Variants in DYNC1I1 observed in about 807,000 individuals in gnomAD.
DYNC1I1 encodes cytoplasmic dynein 1 intermediate chain 1.
In DYNC1I1, 43 loss-of-function variants were observed where a neutral mutation model predicts 86.6. The observed-to-expected ratio is 0.50, with a 90% CI of 0.39 to 0.64. The LOEUF is 0.64. Among genes scored for constraint, DYNC1I1 ranks in the 30% least tolerant of loss-of-function variants. The probability of loss-of-function intolerance (pLI) is 0.00; values close to 1 mark genes in which losing one functional copy is unlikely to be tolerated. For missense variants in DYNC1I1, 604 were observed against 788.8 expected, an observed-to-expected ratio of 0.77 and a Z score of 2.81; for synonymous variants, 262 against 283.7, an observed-to-expected ratio of 0.92 and a Z score of 0.77.
chr7:96,028,735 A>T (rs907667720), intron 11 of DYNC1I1, among the ~76,000 whole-genome samples: 1 of 152,240 alleles, frequency 6.6e-6, no homozygotes, highest in African/African-American at 2.4e-5. Context: ...GGCCTTTTCC[A>T]TGTGTGATTT....
At chr7:95,790,313 C>T (rs547961502) in intron 1 of DYNC1I1, among the ~76,000 whole-genome samples, 7 of 152,232 alleles carry the variant, frequency 4.6e-5, no homozygotes, top group East Asian at 3.9e-4. Flanking sequence ...TTTCCATTTG[C>T]GTCTTCCTCC....
intron 14 of DYNC1I1, among the ~76,000 whole-genome samples, chr7:96,064,465 T>G (rs1789897264): frequency 6.6e-6 from 1 of 152,186 alleles, no homozygotes; most frequent in African/African-American, 2.4e-5. Context: ...TTCATATAGC[T>G]TTCTTGCTCA....
intron 6 of DYNC1I1, among the ~76,000 whole-genome samples, chr7:95,873,702 G>C (rs541898924): frequency 6.6e-6 from 1 of 152,330 alleles, no homozygotes; most frequent in East Asian, 1.9e-4. Context: ...GCTACAGATA[G>C]AGAACTGGCT....
At chr7:95,851,683 G>A (rs1410289243) in intron 5 of DYNC1I1, among the ~76,000 whole-genome samples, 1 of 151,668 alleles carries the variant, frequency 6.6e-6, no homozygotes, top group African/African-American at 2.4e-5. Flanking sequence ...CTTTTTTTTA[G>A]ACCAGAGTTT....
chr7:95,886,405 G>C (rs1419624050), intron 6 of DYNC1I1, among the ~76,000 whole-genome samples: 1 of 152,092 alleles, frequency 6.6e-6, no homozygotes, highest in East Asian at 1.9e-4. Context: ...CTGCACTCCA[G>C]CCTGGGTGAC....
At chr7:95,947,513 T>C (rs146769099) in intron 6 of DYNC1I1, among the ~76,000 whole-genome samples, 214 of 152,294 alleles carry the variant, frequency 1.4e-3, no homozygotes, top group African/African-American at 4.9e-3. Flanking sequence ...CCCCTGCTGC[T>C]GAGGCCTTCT....
intron 5 of DYNC1I1, among the ~76,000 whole-genome samples, chr7:95,869,477 C>CT (rs556177257): frequency 0.047 from 6,961 of 147,192 alleles, 373 homozygotes; most frequent in African/African-American, 0.13. Flanking sequence ...ACCCACCTCT[C>CT]TTTTTTTTTT....
intron 10 of DYNC1I1, among the ~76,000 whole-genome samples, chr7:96,012,584 A>G (rs1232846669): frequency 6.6e-6 from 1 of 152,208 alleles, no homozygotes; most frequent in Non-Finnish European, 1.5e-5. Flanking sequence ...CCAAAACATA[A>G]ACTCAGGTGA....
At chr7:95,822,136 C>G (rs1036246876) in intron 4 of DYNC1I1, among the ~76,000 whole-genome samples, 9 of 152,176 alleles carry the variant, frequency 5.9e-5, no homozygotes, top group African/African-American at 2.2e-4. Context: ...TCTTTCACTC[C>G]TAAGTTACAC....
rs560084723 is a variant in DYNC1I1 at position 95,839,632 on chromosome 7, T to C, written c.374+11516T>C. On this transcript the variant is annotated intron_variant, in intron 5 of 16. Transcript: ENST00000447467. ...TTTATAACAATGTAGTCTTCTGTTT[T>C]TGTCTATATATTTACCTTTAACAAC... is the stretch of plus-strand genomic sequence containing the variant. Among the ~76,000 whole-genome samples the C allele has an allele frequency of 5.3e-5, 8 of 152,348 alleles. No individual in the cohort carries two copies. In the East Asian group the frequency reaches 1.4e-3, roughly 26 times the overall value.
At chr7:95,981,303 G>A (rs1793452356) in intron 7 of DYNC1I1, among the ~76,000 whole-genome samples, 1 of 151,892 alleles carries the variant, frequency 6.6e-6, no homozygotes, top group Admixed American at 6.6e-5. Flanking sequence ...GAGGATAGCA[G>A]GAAAGGTCAA....
At position 96,097,753 on chromosome 7, in the gene DYNC1I1, C is replaced by G; in HGVS notation, c.*160C>G. 7.4e-7 allele frequency: 1 copy of G among 1,350,472 alleles called. No individual in the cohort carries two copies. Among genetic ancestry groups the G allele is most frequent in the Non-Finnish European group, 9.6e-7 (1 of 1,045,738 alleles). The allele number at this position is 1,350,472 out of a possible 1,614,324, so 83.7% of individuals were successfully genotyped here. ...TTTGCTCCAAGTATTCTAAATGTGT[C>G]CCATCATGCTTTCCACTGACCCAAA... On this transcript the variant is annotated 3_prime_UTR_variant, in exon 17 of 17. Coordinates refer to ENST00000447467, the MANE Select transcript of DYNC1I1 (RefSeq NM_001135556.2).
At chr7:95,853,619 G>A (rs1300387475) in intron 5 of DYNC1I1, among the ~76,000 whole-genome samples, 1 of 152,188 alleles carries the variant, frequency 6.6e-6, no homozygotes, top group Non-Finnish European at 1.5e-5. Flanking sequence ...CAGTTGAGAA[G>A]AATGTATATC....
intron 2 of DYNC1I1, 60 bp from the exon 3 acceptor site, chr7:95,810,332 G>T (rs540109367): frequency 3.5e-6 from 5 of 1,415,604 alleles, no homozygotes; most frequent in South Asian, 1.3e-5. Flanking sequence ...TTTAGTTTCA[G>T]CCAGGAAAAG....
chr7:95,971,659 G>A (rs1793174199), intron 6 of DYNC1I1, among the ~76,000 whole-genome samples: 1 of 151,974 alleles, frequency 6.6e-6, no homozygotes, highest in Non-Finnish European at 1.5e-5. Context: ...CAACGTATTT[G>A]ATCATTTCTA....
intron 10 of DYNC1I1, among the ~76,000 whole-genome samples, chr7:96,020,534 C>T (rs1259726543): frequency 6.6e-6 from 1 of 152,154 alleles, no homozygotes; most frequent in African/African-American, 2.4e-5. Context: ...CACGTGGAAA[C>T]TCAAGATGAG....
intron 14 of DYNC1I1, among the ~76,000 whole-genome samples, chr7:96,060,657 A>C (rs1789736901): frequency 6.6e-6 from 1 of 152,166 alleles, no homozygotes; most frequent in African/African-American, 2.4e-5. Flanking sequence ...GTCAGTGTGG[A>C]TCCATCAGTT....
chr7:95,953,665 T>C (rs901391440), intron 6 of DYNC1I1, among the ~76,000 whole-genome samples: 1 of 152,202 alleles, frequency 6.6e-6, no homozygotes, highest in African/African-American at 2.4e-5. Flanking sequence ...CACAGATGAT[T>C]TGAATTCATG....
chr7:95,908,878 G>C (rs319298), intron 6 of DYNC1I1, among the ~76,000 whole-genome samples: 85,159 of 151,762 alleles, frequency 0.56, 25,192 homozygotes, highest in African/African-American at 0.73. Context: ...ATCTTGGCCT[G>C]TAAAGAAACA....
Sources: gnomAD v4.1 joint callset for allele counts (sites outside exome capture counted in the v4.1 genomes callset) on GRCh38, gnomAD v4.1.1 for gene constraint, MANE v1.5 for transcripts, NCBI Gene and HGNC (gene_info 2026-07-23, HGNC 2026-07-21) for gene names.